The following FILIP1L variants were observed in gnomAD, a reference collection of about 807,000 sequenced individuals.
The protein encoded by FILIP1L is filamin A interacting protein 1 like.
FILIP1L carries 55 observed loss-of-function variants against 96.6 expected under a neutral mutation model. The observed-to-expected ratio is 0.57, with a 90% confidence interval of 0.46 to 0.71. The LOEUF (loss-of-function observed/expected upper bound fraction) is 0.71. Among genes scored for constraint, FILIP1L ranks in the 30% least tolerant of loss-of-function variants. The pLI is 0.00. For synonymous variants in FILIP1L, 467 were observed against 473.9 expected (o/e 0.99, Z 0.19); for missense variants, 1,304 against 1,321.2 (o/e 0.99, Z 0.20).
intron 1 of FILIP1L, among the ~76,000 whole-genome samples, chr3:99,998,221 T>A (rs1437783526): frequency 6.6e-6 from 1 of 152,226 alleles, no homozygotes; most frequent in Non-Finnish European, 1.5e-5. Context: ...TAATACTTAG[T>A]TCTATAAATT....
chr3:99,899,563 T>C (rs574951721), intron 4 of FILIP1L, among the ~76,000 whole-genome samples: 2 of 152,350 alleles, frequency 1.3e-5, no homozygotes, highest in South Asian at 4.1e-4. Flanking sequence ...GTTGTTGCTT[T>C]TTTCTAGCAG....
intron 1 of FILIP1L, among the ~76,000 whole-genome samples, chr3:100,020,544 G>GT (rs2064792403): frequency 6.6e-6 from 1 of 152,116 alleles, no homozygotes; most frequent in Non-Finnish European, 1.5e-5. Flanking sequence ...TGGCCATTCT[G>GT]TTTTGAGGAC....
intron 1 of FILIP1L, among the ~76,000 whole-genome samples, chr3:99,979,977 T>C (rs961110870): frequency 6.6e-6 from 1 of 151,768 alleles, no homozygotes; most frequent in African/African-American, 2.4e-5. Context: ...AAGGAGGTGG[T>C]ATGTAAGTTG....
intron 1 of FILIP1L, among the ~76,000 whole-genome samples, chr3:99,948,147 A>G (rs970039952): frequency 6.6e-6 from 1 of 152,204 alleles, no homozygotes; most frequent in Admixed American, 6.5e-5. Context: ...GTAGTGCATT[A>G]GAAACATGGT....
At chr3:99,856,931 A>T (rs1264032105) in intron 4 of FILIP1L, among the ~76,000 whole-genome samples, 4 of 152,194 alleles carry the variant, frequency 2.6e-5, no homozygotes, top group African/African-American at 9.7e-5. Flanking sequence ...AACTTATATT[A>T]TAATTCTTAC....
intron 1 of FILIP1L, among the ~76,000 whole-genome samples, chr3:99,963,098 A>T (rs1213242529): frequency 1.3e-5 from 2 of 152,222 alleles, no homozygotes; most frequent in Non-Finnish European, 2.9e-5. Flanking sequence ...AAGAGGGTTT[A>T]GCCTGCCTAC....
chr3:99,840,080 C>T (rs930144095), intron 5 of FILIP1L, among the ~76,000 whole-genome samples: 2 of 152,138 alleles, frequency 1.3e-5, no homozygotes, highest in African/African-American at 4.8e-5. Context: ...TGCTCCTAAA[C>T]ATTATACAGT....
At chr3:100,047,445 A>T (rs2065295314) in intron 1 of FILIP1L, among the ~76,000 whole-genome samples, 1 of 152,198 alleles carries the variant, frequency 6.6e-6, no homozygotes, top group Non-Finnish European at 1.5e-5. Flanking sequence ...CTATGTGTTT[A>T]AAAAAACTAA....
Position 100,011,539 on chromosome 3 carries a change from T to C in FILIP1L, c.-10-80509A>G, listed in dbSNP as rs138955089. ...ATTTTATAAACTAAATACCTGACAA[T>C]TTATATCTATAAAGCCTGTTGAGAT... On this transcript the variant is annotated intron_variant, in intron 1 of 5. Coordinates refer to ENST00000477258, the MANE Select transcript of FILIP1L (RefSeq NM_001387850.1). Among the ~76,000 whole-genome samples the C allele has an allele frequency of 7.3e-3, 1,107 of 152,322 alleles. 7 individuals are homozygous for C. The highest frequency in any genetic ancestry group is 0.012 in the Non-Finnish European group (806 of 68,024).
chr3:99,980,104 A>C (rs1370951124), intron 1 of FILIP1L, among the ~76,000 whole-genome samples: 1 of 152,172 alleles, frequency 6.6e-6, no homozygotes, highest in African/African-American at 2.4e-5. Context: ...GAGAAGCCTA[A>C]TTCAGGCAGT....
intron 5 of FILIP1L, among the ~76,000 whole-genome samples, chr3:99,833,968 G>A (rs779644379): frequency 6.6e-6 from 1 of 152,212 alleles, no homozygotes; most frequent in Non-Finnish European, 1.5e-5. Context: ...ATGAAAAGAA[G>A]GAAATGCTAA....
chr3:99,829,349 T>C lies in FILIP1L; in HGVS notation c.*1065A>G, dbSNP rs1169498905. On this transcript the variant is annotated 3_prime_UTR_variant, in exon 6 of 6. Transcript: ENST00000477258. Reference sequence around the variant, plus strand: ...TCCACACTGAATTACAGGCACACCTTTCTCTCAATTCAATGAGAGAGTTTT... The same window carrying C: ...TCCACACTGAATTACAGGCACACCTCTCTCTCAATTCAATGAGAGAGTTTT... 1.3e-5 allele frequency among the ~76,000 whole-genome samples: 2 copies of C among 152,230 alleles called. No homozygotes were observed.
At chr3:99,975,640 A>T (rs966713310) in intron 1 of FILIP1L, among the ~76,000 whole-genome samples, 1 of 152,158 alleles carries the variant, frequency 6.6e-6, no homozygotes, top group African/African-American at 2.4e-5. Context: ...AAAAAGAGAA[A>T]CTAGGGTAAA....
chr3:99,883,072 A>G lies in FILIP1L; in HGVS notation c.606-32002T>C, dbSNP rs187110487. On this transcript the variant is annotated intron_variant, in intron 4 of 5. Coordinates refer to ENST00000477258, the MANE Select transcript of FILIP1L (RefSeq NM_001387850.1). ...TGTCACTAAGCATCCAGTCTACATC[A>G]TAAAATGCAGGTTTGGAAGATATGT... 2.7e-3 allele frequency among the ~76,000 whole-genome samples: 405 copies of G among 152,366 alleles called. 9 individuals carry two copies. The highest frequency in any genetic ancestry group is 9.8e-4 in the Admixed American group (15 of 15,308).
chr3:99,874,902 A>G (rs1338452601), intron 4 of FILIP1L, among the ~76,000 whole-genome samples: 1 of 152,184 alleles, frequency 6.6e-6, no homozygotes, highest in African/African-American at 2.4e-5. Context: ...CCAAACAGTT[A>G]TCTTATATGG....
chr3:99,960,595 C>G (rs1708461696), intron 1 of FILIP1L, among the ~76,000 whole-genome samples: 1 of 152,338 alleles, frequency 6.6e-6, no homozygotes, highest in African/African-American at 2.4e-5. Context: ...TTCTATCCCT[C>G]CCTCCTACAG....
intron 1 of FILIP1L, among the ~76,000 whole-genome samples, chr3:100,079,858 A>G (rs2065904476): frequency 6.6e-6 from 1 of 152,222 alleles, no homozygotes; most frequent in African/African-American, 2.4e-5. Flanking sequence ...TATTTAAAAA[A>G]TAACTAACAT....
intron 1 of FILIP1L, among the ~76,000 whole-genome samples, chr3:99,970,562 A>G (rs1350603570): frequency 6.6e-6 from 1 of 152,252 alleles, no homozygotes; most frequent in East Asian, 1.9e-4. Context: ...GAAACCTAGC[A>G]TATCCCTGCT....
intron 4 of FILIP1L, among the ~76,000 whole-genome samples, chr3:99,870,003 T>G (rs1293323546): frequency 6.6e-6 from 1 of 152,216 alleles, no homozygotes; most frequent in Admixed American, 6.5e-5. Context: ...TGTGGACTCT[T>G]TCCCTCAAAT....
Sources: allele counts gnomAD v4.1 joint callset (sites outside exome capture counted in the v4.1 genomes callset), GRCh38; gene constraint gnomAD v4.1.1; transcripts MANE v1.5; gene names NCBI Gene and HGNC (gene_info 2026-07-23, HGNC 2026-07-21).